Variants in NCKAP5 observed in about 807,000 individuals in gnomAD.
The protein encoded by NCKAP5 is NCK associated protein 5.
In NCKAP5, 92 loss-of-function variants were observed where a neutral mutation model predicts 167.0. The ratio of observed to expected loss-of-function variants is 0.55; its 90% CI spans 0.47 to 0.66. The LOEUF (loss-of-function observed/expected upper bound fraction) is 0.66. Ranked by LOEUF, NCKAP5 falls within the 30% of genes least tolerant of loss-of-function variation. The pLI is 0.00. For missense variants in NCKAP5, 2,378 were observed against 2,315.0 expected (o/e 1.03, Z -0.56); for synonymous variants, 891 against 877.4 (o/e 1.02, Z -0.27).
the NCKAP5 span, among the ~76,000 whole-genome samples, chr2:133,597,804 G>A: frequency 1.3e-5 from 2 of 151,692 alleles, no homozygotes; most frequent in Non-Finnish European, 2.9e-5. Flanking sequence ...CCTAAGCACA[G>A]CCAGTGGATG....
At chr2:132,755,409 G>A (rs527923304) in intron 16 of NCKAP5, among the ~76,000 whole-genome samples, 3 of 152,234 alleles carry the variant, frequency 2.0e-5, no homozygotes, top group East Asian at 1.9e-4. Context: ...CAGTCTATTC[G>A]TCAATATGAA....
At chr2:133,078,221 T>A (rs983283616) in intron 6 of NCKAP5, among the ~76,000 whole-genome samples, 4 of 152,192 alleles carry the variant, frequency 2.6e-5, no homozygotes, top group African/African-American at 9.7e-5. Flanking sequence ...CTTCCCAACA[T>A]TTCAAGTCAG....
chr2:132,862,769 AAAAAAAAAACC>A (rs910556543), intron 10 of NCKAP5, among the ~76,000 whole-genome samples: 4 of 136,044 alleles, frequency 2.9e-5, no homozygotes, highest in Non-Finnish European at 4.7e-5. Flanking sequence ...CAGTCTCAAA[AAAAAAAAAACC>A]AAAAAAAAAC....
At chr2:132,915,627 C>T (rs1024950594) in intron 8 of NCKAP5, 7 of 152,154 alleles carry the variant, frequency 4.6e-5, no homozygotes, top group Non-Finnish European at 1.0e-4. Context: ...AGAGAGGGGC[C>T]TTCGCTAAGC....
chr2:133,105,735 C>T (rs543675415), intron 6 of NCKAP5, among the ~76,000 whole-genome samples: 59 of 152,136 alleles, frequency 3.9e-4, no homozygotes, highest in Non-Finnish European at 3.5e-4. Context: ...CAACATATGC[C>T]CTGATAGGCA....
At chr2:132,805,499 T>C (rs1484986733) in intron 11 of NCKAP5, among the ~76,000 whole-genome samples, 1 of 152,186 alleles carries the variant, frequency 6.6e-6, no homozygotes. Context: ...CATTCATTCA[T>C]TTACTTAAAA....
At chr2:132,900,977 G>GAAAAAAAAAAA (rs58885401) in intron 8 of NCKAP5, among the ~76,000 whole-genome samples, 2 of 98,670 alleles carry the variant, frequency 2.0e-5, no homozygotes, top group Non-Finnish European at 4.2e-5. Context: ...AAAAAAAAAA[G>GAAAAAAAAAAA]AAAAAAAAAA....
At chr2:132,914,598 G>A (rs919157043) in intron 8 of NCKAP5, among the ~76,000 whole-genome samples, 3 of 151,926 alleles carry the variant, frequency 2.0e-5, no homozygotes, top group Non-Finnish European at 4.4e-5. Context: ...TGGGGGTAGG[G>A]CCAGGAGAGA....
rs143914770 is a variant in NCKAP5 at position 133,195,125 on chromosome 2, G to A, written c.207+18591C>T. On this transcript the variant is annotated intron_variant, in intron 5 of 19. Coordinates refer to ENST00000409261, the MANE Select transcript of NCKAP5 (RefSeq NM_207363.3). ...AAGCAGTAACCAACAGTAAAAAGCCGCCTCACTTACTTGTGCACGAACTCT... is the reference window on the plus strand; with the variant it reads ...AAGCAGTAACCAACAGTAAAAAGCCACCTCACTTACTTGTGCACGAACTCT... 3.7e-3 allele frequency among the ~76,000 whole-genome samples: 556 copies of A among 152,122 alleles called. 4 individuals carry two copies. Among genetic ancestry groups the A allele is most frequent in the African/African-American group, 0.013 (519 of 41,520 alleles).
intron 13 of NCKAP5, among the ~76,000 whole-genome samples, chr2:132,788,324 A>G (rs1683762904): frequency 6.6e-6 from 1 of 151,042 alleles, no homozygotes; most frequent in Non-Finnish European, 1.5e-5. Flanking sequence ...CTGGACAAGA[A>G]TCTTATATAT....
chr2:132,897,922 G>A (rs1693329376), intron 8 of NCKAP5, among the ~76,000 whole-genome samples: 1 of 152,202 alleles, frequency 6.6e-6, no homozygotes, highest in Non-Finnish European at 1.5e-5. Context: ...TGACTGACTA[G>A]GGTGGTAGCT....
chr2:133,112,486 A>AT (rs1275449384), intron 6 of NCKAP5, among the ~76,000 whole-genome samples: 1 of 150,324 alleles, frequency 6.7e-6, no homozygotes, highest in Non-Finnish European at 1.5e-5. Flanking sequence ...AAAAAAAAAA[A>AT]GTATGCTGTT....
chr2:133,662,654 C>T, the NCKAP5 span, among the ~76,000 whole-genome samples: 3 of 138,464 alleles, frequency 2.2e-5, no homozygotes, highest in East Asian at 2.5e-4. Context: ...GTGGCAAAAC[C>T]GCAATTACTT....
the NCKAP5 span, among the ~76,000 whole-genome samples, chr2:133,603,136 G>T: frequency 6.6e-6 from 1 of 151,996 alleles, no homozygotes; most frequent in Non-Finnish European, 1.5e-5. Context: ...ACAGAAGGAA[G>T]CAGCCTCCTC....
intron 5 of NCKAP5, among the ~76,000 whole-genome samples, chr2:133,137,342 T>C (rs1273923399): frequency 6.6e-6 from 1 of 151,560 alleles, no homozygotes; most frequent in Non-Finnish European, 1.5e-5. Context: ...TCTGCAGTGC[T>C]GATAACATCA....
chr2:132,860,474 T>C lies in NCKAP5; in HGVS notation c.807+18A>G. 6.4e-7 allele frequency: 1 copy of C among 1,555,876 alleles called. No individual in the cohort carries two copies. ...TAGCATTTCAGTAGCAAAGATTGTT[T>C]TCCAGATAAACACATACCTGGAGGA... On this transcript the variant is annotated intron_variant, in intron 11 of 19. Coordinates refer to ENST00000409261, the MANE Select transcript of NCKAP5 (RefSeq NM_207363.3).
chr2:133,034,853 AAG>A (rs1226575928), intron 6 of NCKAP5, among the ~76,000 whole-genome samples: 5 of 151,992 alleles, frequency 3.3e-5, no homozygotes, highest in Non-Finnish European at 5.9e-5. Context: ...TGAAAGAAAA[AAG>A]AGAAGACCAT....
chr2:132,939,533 C>CT (rs1697122476), intron 8 of NCKAP5, among the ~76,000 whole-genome samples: 1 of 151,894 alleles, frequency 6.6e-6, no homozygotes, highest in African/African-American at 2.4e-5. Context: ...GCTGTAAGAC[C>CT]TATTTTTTTT....
the NCKAP5 span, among the ~76,000 whole-genome samples, chr2:133,619,239 G>C: frequency 6.7e-6 from 1 of 148,642 alleles, no homozygotes; most frequent in Non-Finnish European, 1.5e-5. Context: ...GCACCAGCAT[G>C]GTACATGTAT....
Sources: gnomAD v4.1 joint callset for allele counts (sites outside exome capture counted in the v4.1 genomes callset) on GRCh38, gnomAD v4.1.1 for gene constraint, MANE v1.5 for transcripts, NCBI Gene and HGNC (gene_info 2026-07-23, HGNC 2026-07-21) for gene names.